Variants in GAREM2 observed in about 807,000 individuals in gnomAD.
GAREM2 encodes the protein GRB2 associated regulator of MAPK1 subtype 2.
Under a neutral mutation model 55.6 loss-of-function variants are expected in GAREM2, and 30 were observed. The observed-to-expected ratio is 0.54, with a 90% confidence interval of 0.40 to 0.73. GAREM2 has a LOEUF of 0.73. Ranked by LOEUF, GAREM2 falls within the 30% of genes least tolerant of loss-of-function variation. The pLI, the probability that GAREM2 is intolerant of heterozygous loss-of-function variation, is 0.00. For synonymous variants in GAREM2, 550 were observed against 569.1 expected (o/e 0.97, Z 0.48); for missense variants, 1,075 against 1,257.7 (o/e 0.85, Z 2.20).
chr2:26,189,211 G>A lies in GAREM2; in HGVS notation c.*954G>A, dbSNP rs566297149. On this transcript the variant is annotated 3_prime_UTR_variant, in exon 6 of 6. Coordinates refer to ENST00000401533, the MANE Select transcript of GAREM2 (RefSeq NM_001168241.2). Reference sequence around the variant, plus strand: ...CTGGTTTTCTGTCACTGGCACAGGAGGGTACAGTTGGGAGAGTGCGTTCCT... The same window carrying A: ...CTGGTTTTCTGTCACTGGCACAGGAAGGTACAGTTGGGAGAGTGCGTTCCT... The A allele has an allele frequency of 1.3e-5, 2 of 152,320 alleles. No homozygotes were observed. The highest frequency in any genetic ancestry group is 1.3e-4 in the Admixed American group (2 of 15,292). The allele number at this position is 152,320 out of a possible 1,614,324, so 9.4% of individuals were successfully genotyped here.
chr2:26,200,149 G>GTTTA, the GAREM2 span, among the ~76,000 whole-genome samples: 2 of 150,318 alleles, frequency 1.3e-5, no homozygotes, highest in Non-Finnish European at 2.9e-5. Flanking sequence ...TTGTTTGTTT[G>GTTTA]TTTATTTATT....
Position 26,182,994 on chromosome 2 carries a change from G to C in GAREM2, c.281G>C (p.Arg94Pro). 1 of 1,551,710 alleles carries C rather than the reference G, an allele frequency of 6.4e-7. No individual in the cohort carries two copies. The highest frequency in any genetic ancestry group is 8.7e-7 in the Non-Finnish European group (1 of 1,146,982). Residue 94 changes from arginine (R) to proline (P), a missense_variant, in exon 3 of 6, where the codon CGG becomes CCG. By Grantham distance (103) the Arg-to-Pro change is moderately radical (BLOSUM62 -2). Around this residue, in one of 6 missense-constraint regions of GAREM2, gnomAD observed 230 missense variants for 310.6 expected, o/e 0.74. Coordinates refer to ENST00000401533, the MANE Select transcript of GAREM2 (RefSeq NM_001168241.2). Reference protein sequence around the residue: ...PGKFKLLEQARDVREPVRYFS... With the variant: ...PGKFKLLEQAPDVREPVRYFS... Reference sequence around the variant, plus strand: ...AAGTTCAAGCTCCTGGAACAGGCCCGGGATGTGCGGGAGCCAGTGAGGTAC... The same window carrying C: ...AAGTTCAAGCTCCTGGAACAGGCCCCGGATGTGCGGGAGCCAGTGAGGTAC...
chr2:26,193,737 G>C (rs1669580370), downstream of GAREM2: 1 of 1,614,006 alleles, frequency 6.2e-7, no homozygotes, highest in Non-Finnish European at 8.5e-7. Flanking sequence ...CAAAGCTTGT[G>C]GTCAGGGAAT....
In GAREM2 at chr2:26,184,919, C is replaced by A; in HGVS notation, c.1071C>A (p.Tyr357Ter). ...YCRERFDPDE[Y>*]STAVREAPAE... ...GCGAGCGCTTCGACCCCGACGAGTACTCCACGGCCGTGCGCGAGGCGCCAG... is the reference window on the plus strand; with the variant it reads ...GCGAGCGCTTCGACCCCGACGAGTAATCCACGGCCGTGCGCGAGGCGCCAG... The change falls in exon 4 of 6, where the codon TAC (tyrosine) becomes TAA (stop). Residue 357 changes from tyrosine to a stop codon, truncating the protein, a stop_gained. Coordinates refer to ENST00000401533, the MANE Select transcript of GAREM2 (RefSeq NM_001168241.2). LOFTEE classifies it high-confidence loss of function. 7.3e-7 allele frequency: 1 copy of A among 1,373,804 alleles called. No individual in the cohort carries two copies. Among genetic ancestry groups the A allele is most frequent in the South Asian group, 1.6e-5 (1 of 61,774 alleles). 85.1% of individuals were successfully genotyped at this position (1,373,804 alleles called of 1,614,324 possible).
At chr2:26,175,258 CA>C (rs1668826302) in intron 1 of GAREM2, among the ~76,000 whole-genome samples, 1 of 152,176 alleles carries the variant, frequency 6.6e-6, no homozygotes, top group African/African-American at 2.4e-5. Context: ...AGCCCGGACA[CA>C]GCCCCTTCTG....
the GAREM2 span, chr2:26,199,509 T>TATTA: frequency 6.6e-6 from 1 of 152,372 alleles, no homozygotes; most frequent in East Asian, 1.9e-4. Context: ...AGCAAACTAA[T>TATTA]GTCTCCAAAG....
chr2:26,185,301 G>A, intron 4 of GAREM2, 25 bp downstream of exon 4: 1 of 1,487,058 alleles, frequency 6.7e-7, no homozygotes, highest in Non-Finnish European at 8.9e-7. Context: ...TGGGGGCCGA[G>A]TCCCGGGTCC....
chr2:26,190,315 A>G (rs1669453960), downstream of GAREM2, among the ~76,000 whole-genome samples: 1 of 150,488 alleles, frequency 6.6e-6, no homozygotes, highest in Non-Finnish European at 1.5e-5. Flanking sequence ...CTTCTGCCAG[A>G]CCCAGTTAGC....
chr2:26,187,558 T>C lies in GAREM2; in HGVS notation c.1926T>C (p.Pro642=). The change falls in exon 6 of 6, where the codon CCT becomes CCC. Residue 642 remains proline (P), a synonymous_variant. Transcript: ENST00000401533. The part of the protein sequence containing the change: ...PFSGPAYPSG[P]SAALSSGPRT... ...CCGGGCCTGCCTACCCCTCAGGCCC[T>C]TCAGCGGCCTTGTCTTCTGGGCCCA... is the stretch of plus-strand genomic sequence containing the variant. The C allele has an allele frequency of 6.5e-7, 1 of 1,543,562 alleles. No homozygotes were observed. Among genetic ancestry groups the C allele is most frequent in the East Asian group, 2.5e-5 (1 of 40,798 alleles).
chr2:26,199,726 A>T, the GAREM2 span, among the ~76,000 whole-genome samples: 1 of 152,062 alleles, frequency 6.6e-6, no homozygotes, highest in African/African-American at 2.4e-5. Context: ...TAAATTATTT[A>T]TCTTTTTTTC....
the GAREM2 span, chr2:26,204,024 G>A: frequency 6.2e-7 from 1 of 1,605,114 alleles, no homozygotes; most frequent in East Asian, 2.2e-5. Flanking sequence ...AGAAACAAAG[G>A]ACATTCTAAC....
At chr2:26,192,199 T>C (rs1214240222), downstream of GAREM2, 1 of 683,556 alleles carries the variant, frequency 1.5e-6, no homozygotes, top group Admixed American at 2.3e-5. Context: ...CCTGCACATG[T>C]ATCCCAGGAC....
intron 1 of GAREM2, among the ~76,000 whole-genome samples, chr2:26,175,733 A>G (rs1370515940): frequency 6.6e-6 from 1 of 152,142 alleles, no homozygotes; most frequent in Non-Finnish European, 1.5e-5. Flanking sequence ...TCCTGACCTG[A>G]GCGACCCGTG....
intron 1 of GAREM2, among the ~76,000 whole-genome samples, chr2:26,175,899 A>C (rs4665829): frequency 0.76 from 115,572 of 152,168 alleles, 44,889 homozygotes; most frequent in African/African-American, 0.93. Flanking sequence ...CTTCGCCACC[A>C]CACCCCCAGC....
chr2:26,181,178 G>C, intron 2 of GAREM2: 1 of 969,376 alleles, frequency 1.0e-6, no homozygotes. Context: ...GTCTCATGTT[G>C]TACAGAATAA....
chr2:26,183,231 G>A, intron 3 of GAREM2, 134 bp downstream of exon 3: 1 of 904,898 alleles, frequency 1.1e-6, no homozygotes, highest in Non-Finnish European at 1.7e-6. Context: ...AGGGGTCTTT[G>A]GCACAATCAA....
downstream of GAREM2, chr2:26,194,478 GA>G: frequency 1.2e-6 from 1 of 842,890 alleles, no homozygotes; most frequent in South Asian, 1.4e-5. Flanking sequence ...TGGTGTATCA[GA>G]AGGAAGCTTG....
chr2:26,188,335 C>G lies in GAREM2; in HGVS notation c.*78C>G. The G allele has an allele frequency of 8.8e-7, 1 of 1,134,814 alleles. No homozygotes were observed. Among genetic ancestry groups the G allele is most frequent in the Non-Finnish European group, 1.2e-6 (1 of 834,804 alleles). 70.3% of individuals were successfully genotyped at this position (1,134,814 alleles called of 1,614,324 possible). On this transcript the variant is annotated 3_prime_UTR_variant, in exon 6 of 6. Transcript: ENST00000401533. ...CAGCACTCCGGAGGAGCAGGTGCTGCCTGCAAGAAGGATCTATGTCGAGAC... is the reference window on the plus strand; with the variant it reads ...CAGCACTCCGGAGGAGCAGGTGCTGGCTGCAAGAAGGATCTATGTCGAGAC...
the GAREM2 span, among the ~76,000 whole-genome samples, chr2:26,203,226 C>T: frequency 1.3e-5 from 2 of 152,194 alleles, no homozygotes; most frequent in Admixed American, 6.5e-5. Flanking sequence ...GTGAGCTTCT[C>T]TGCAGAAAAG....
Sources: allele counts gnomAD v4.1 joint callset (sites outside exome capture counted in the v4.1 genomes callset), GRCh38; gene constraint gnomAD v4.1.1; regional missense constraint gnomAD v4.1.1; transcripts MANE v1.5; gene names NCBI Gene and HGNC (gene_info 2026-07-23, HGNC 2026-07-21).